The following NPAS3 variants were observed in gnomAD, a reference collection of about 807,000 sequenced individuals.
NPAS3 encodes neuronal PAS domain-containing protein 3.
NPAS3 carries 14 observed loss-of-function variants against 73.1 expected under a neutral mutation model. That is an observed-to-expected ratio of 0.19 (90% CI 0.13 to 0.30). The LOEUF (loss-of-function observed/expected upper bound fraction) is 0.30. NPAS3 is among the 10% of genes least tolerant of loss of function. The pLI is 1.00. For synonymous variants in NPAS3, 620 were observed against 541.5 expected (o/e 1.14, Z -2.01); for missense variants, 1,096 against 1,250.0 (o/e 0.88, Z 1.86).
At chr14:33,371,010 C>T (rs1056011826) in intron 4 of NPAS3, among the ~76,000 whole-genome samples, 4 of 152,004 alleles carry the variant, frequency 2.6e-5, no homozygotes, top group Non-Finnish European at 4.4e-5. Context: ...AATGATAGTT[C>T]AAATTAAGAA....
intron 5 of NPAS3, among the ~76,000 whole-genome samples, chr14:33,620,842 A>G (rs1187476331): frequency 1.3e-5 from 2 of 152,148 alleles, no homozygotes; most frequent in Non-Finnish European, 2.9e-5. Flanking sequence ...TCAAATATCT[A>G]ACAAAGGATG....
intron 1 of NPAS3, among the ~76,000 whole-genome samples, chr14:32,994,834 GT>G (rs1434337333): frequency 2.6e-5 from 4 of 152,254 alleles, no homozygotes; most frequent in Non-Finnish European, 2.9e-5. Flanking sequence ...ATTTCGCCAT[GT>G]TGGCCAGGCT....
At position 33,536,570 on chromosome 14, in the gene NPAS3, A is replaced by G. The variant is rs566305253; in HGVS notation, c.469-23551A>G. On this transcript the variant is annotated intron_variant, in intron 4 of 11. Coordinates refer to ENST00000356141, the Ensembl canonical transcript of NPAS3. ...CTTTAGCTATGCAGTTCCCATCAGC[A>G]CTAATGGGAGATTCAAGGCTAAACC... 4.7e-3 allele frequency among the ~76,000 whole-genome samples: 723 copies of G among 152,300 alleles called. 3 individuals are homozygous for G. Among genetic ancestry groups the G allele is most frequent in the Middle Eastern group, 0.017 (5 of 294 alleles).
At chr14:33,282,267 G>A (rs1468000224) in intron 3 of NPAS3, among the ~76,000 whole-genome samples, 1 of 152,214 alleles carries the variant, frequency 6.6e-6, no homozygotes, top group Non-Finnish European at 1.5e-5. Flanking sequence ...TTGTGCCTAT[G>A]CCTTTGAGAT....
intron 6 of NPAS3, among the ~76,000 whole-genome samples, chr14:33,694,507 C>G (rs1456993374): frequency 1.3e-5 from 2 of 152,102 alleles, no homozygotes. Context: ...TGGTATTCTA[C>G]ACAAGAAGTG....
intron 2 of NPAS3, among the ~76,000 whole-genome samples, chr14:33,068,083 C>G (rs1328544317): frequency 2.0e-5 from 3 of 152,164 alleles, no homozygotes; most frequent in Admixed American, 6.5e-5. Context: ...GAGTCCTGCT[C>G]TATGCAAAGC....
chr14:33,196,018 C>T (rs2046338507), intron 2 of NPAS3, among the ~76,000 whole-genome samples: 1 of 152,114 alleles, frequency 6.6e-6, no homozygotes. Context: ...AGAGAAAAAT[C>T]CTTTTGTTTT....
chr14:33,618,541 A>G (rs1021074156), intron 5 of NPAS3, among the ~76,000 whole-genome samples: 18 of 152,204 alleles, frequency 1.2e-4, no homozygotes, highest in African/African-American at 4.3e-4. Context: ...AAGGCAAGTA[A>G]TGGGGAGCAG....
intron 2 of NPAS3, among the ~76,000 whole-genome samples, chr14:33,139,490 G>A (rs184781057): frequency 6.7e-4 from 102 of 152,268 alleles, no homozygotes; most frequent in South Asian, 1.2e-3. Flanking sequence ...ATTGGTGGTT[G>A]GGTGAATTGA....
At chr14:33,778,045 A>C (rs1412160707) in intron 8 of NPAS3, among the ~76,000 whole-genome samples, 1 of 152,230 alleles carries the variant, frequency 6.6e-6, no homozygotes, top group Non-Finnish European at 1.5e-5. Flanking sequence ...ACCCAATAGA[A>C]GACCAATCTG....
At chr14:33,244,756 A>G (rs1220700557) in intron 3 of NPAS3, among the ~76,000 whole-genome samples, 1 of 152,098 alleles carries the variant, frequency 6.6e-6, no homozygotes, top group Non-Finnish European at 1.5e-5. Flanking sequence ...TGCTTGCCCA[A>G]CCTGGAATGC....
intron 2 of NPAS3, among the ~76,000 whole-genome samples, chr14:33,154,352 G>A (rs1026558447): frequency 2.6e-5 from 4 of 152,220 alleles, no homozygotes; most frequent in Non-Finnish European, 5.9e-5. Context: ...TAAGGAATGT[G>A]TGCATAATCT....
intron 4 of NPAS3, among the ~76,000 whole-genome samples, chr14:33,453,220 A>G (rs2049882048): frequency 6.6e-6 from 1 of 152,192 alleles, no homozygotes; most frequent in African/African-American, 2.4e-5. Context: ...GTCTATTGTT[A>G]AGACCTGCCT....
At chr14:33,705,967 G>C (rs1222116540) in intron 6 of NPAS3, among the ~76,000 whole-genome samples, 1 of 152,172 alleles carries the variant, frequency 6.6e-6, no homozygotes, top group Non-Finnish European at 1.5e-5. Context: ...AACGAAAAAT[G>C]CATTCTCTAA....
At chr14:33,646,603 T>C (rs879849817) in intron 5 of NPAS3, among the ~76,000 whole-genome samples, 3 of 152,190 alleles carry the variant, frequency 2.0e-5, no homozygotes, top group Non-Finnish European at 4.4e-5. Flanking sequence ...GGATAAAACA[T>C]AGGTATCTTA....
At chr14:33,578,353 C>T (rs572334006) in intron 5 of NPAS3, 2 of 378,460 alleles carry the variant, frequency 5.3e-6, no homozygotes, top group African/African-American at 2.1e-5. Flanking sequence ...ACTACCACAC[C>T]TGGCTAATTT....
At chr14:33,751,256 G>T (rs1303570798) in intron 7 of NPAS3, among the ~76,000 whole-genome samples, 1 of 152,208 alleles carries the variant, frequency 6.6e-6, no homozygotes, top group Non-Finnish European at 1.5e-5. Context: ...CTTGAAGGTT[G>T]CTCTCAGCCT....
At chr14:33,682,635 C>T (rs1453574040) in intron 6 of NPAS3, among the ~76,000 whole-genome samples, 1 of 152,170 alleles carries the variant, frequency 6.6e-6, no homozygotes, top group African/African-American at 2.4e-5. Context: ...ACCTTTATCC[C>T]CAGCTAAGCT....
At chr14:33,090,122 T>C (rs1467032813) in intron 2 of NPAS3, among the ~76,000 whole-genome samples, 5 of 152,194 alleles carry the variant, frequency 3.3e-5, no homozygotes, top group Admixed American at 6.5e-5. Flanking sequence ...AACATCACAA[T>C]GACAGGATCA....
Sources: allele counts gnomAD v4.1 joint callset (sites outside exome capture counted in the v4.1 genomes callset), GRCh38; gene constraint gnomAD v4.1.1; transcripts MANE v1.5; gene names NCBI Gene and HGNC (gene_info 2026-07-23, HGNC 2026-07-21).